IGFL2: variants seen among roughly 807,000 people sequenced by gnomAD.
IGFL2 encodes IGF like family member 2, also known as insulin growth factor-like family member 2.
In IGFL2, 7 loss-of-function variants were observed where a neutral mutation model predicts 13.9. The ratio of observed to expected loss-of-function variants is 0.51; its 90% CI spans 0.29 to 0.95. The LOEUF (loss-of-function observed/expected upper bound fraction) is 0.95, where lower values mean the gene tolerates loss of function less well. Ranked by LOEUF, IGFL2 falls within the 40% of genes least tolerant of loss-of-function variation. The pLI, the probability that IGFL2 is intolerant of heterozygous loss-of-function variation, is 0.08. For missense variants in IGFL2, 138 were observed against 147.8 expected, an observed-to-expected ratio of 0.93 and a Z score of 0.34; for synonymous variants, 55 against 55.8, an observed-to-expected ratio of 0.99 and a Z score of 0.07.
chr19:46,144,554 T>G (rs1973019253), upstream of IGFL2, among the ~76,000 whole-genome samples: 1 of 152,206 alleles, frequency 6.6e-6, no homozygotes, highest in Non-Finnish European at 1.5e-5. Context: ...AAACCCCTTA[T>G]TTTGCTCACT....
chr19:46,092,387 T>C, the IGFL2 span, among the ~76,000 whole-genome samples: 4 of 151,660 alleles, frequency 2.6e-5, no homozygotes, highest in African/African-American at 9.7e-5. Flanking sequence ...TCCCAGCACG[T>C]TGGGAGGCTG....
the IGFL2 span, among the ~76,000 whole-genome samples, chr19:46,192,146 G>A: frequency 6.6e-6 from 1 of 152,122 alleles, no homozygotes; most frequent in Admixed American, 6.5e-5. Context: ...ACACAACAGT[G>A]GGCAGCAGGG....
chr19:46,182,417 C>G, the IGFL2 span, among the ~76,000 whole-genome samples: 1 of 147,330 alleles, frequency 6.8e-6, no homozygotes, highest in South Asian at 2.1e-4. Context: ...CATTTTTTCT[C>G]TCACAATTTG....
At chr19:46,171,597 T>G in the IGFL2 span, among the ~76,000 whole-genome samples, 1 of 152,220 alleles carries the variant, frequency 6.6e-6, no homozygotes, top group Non-Finnish European at 1.5e-5. Flanking sequence ...CTTCTCTTCC[T>G]TGGACTCAGC....
intron 1 of IGFL2, among the ~76,000 whole-genome samples, chr19:46,155,350 A>G (rs1331779778): frequency 2.6e-5 from 4 of 152,026 alleles, no homozygotes; most frequent in Non-Finnish European, 5.9e-5. Context: ...GTCCGTGACT[A>G]CCCAGCATAG....
the IGFL2 span, chr19:46,208,557 T>C: frequency 6.6e-6 from 1 of 152,202 alleles, no homozygotes; most frequent in Non-Finnish European, 1.5e-5. Context: ...TTATATAATT[T>C]GGCTCTGTCT....
chr19:46,206,050 T>C, the IGFL2 span, among the ~76,000 whole-genome samples: 6 of 152,328 alleles, frequency 3.9e-5, no homozygotes, highest in East Asian at 9.6e-4. Context: ...ATAGCTTATC[T>C]GACCCTTTGA....
chr19:46,090,071 A>C, the IGFL2 span, among the ~76,000 whole-genome samples: 1 of 151,578 alleles, frequency 6.6e-6, no homozygotes, highest in Non-Finnish European at 1.5e-5. Flanking sequence ...CTGATGGTAC[A>C]TTTTCAAATA....
At chr19:46,201,463 A>G in the IGFL2 span, among the ~76,000 whole-genome samples, 2 of 152,244 alleles carry the variant, frequency 1.3e-5, no homozygotes, top group Non-Finnish European at 1.5e-5. Flanking sequence ...TTCTTCTCCT[A>G]GAAGACATCG....
At chr19:46,136,711 G>T in the IGFL2 span, 1 of 507,288 alleles carries the variant, frequency 2.0e-6, no homozygotes, top group South Asian at 1.5e-5. Flanking sequence ...CAGAAATCAT[G>T]ACATTTCTGA....
chr19:46,142,156 G>A (rs1183589864), upstream of IGFL2, among the ~76,000 whole-genome samples: 2 of 152,176 alleles, frequency 1.3e-5, no homozygotes, highest in Non-Finnish European at 2.9e-5. Flanking sequence ...TGACTTACAA[G>A]CATCCAATAA....
the IGFL2 span, among the ~76,000 whole-genome samples, chr19:46,090,126 C>T: frequency 6.6e-6 from 1 of 151,788 alleles, no homozygotes; most frequent in African/African-American, 2.4e-5. Context: ...TTGATTAGTT[C>T]TGCTGTTTAG....
chr19:46,120,037 G>A, the IGFL2 span: 1 of 448,740 alleles, frequency 2.2e-6, no homozygotes. Context: ...CCTGCTCAGT[G>A]TCCAGGAAGA....
the IGFL2 span, among the ~76,000 whole-genome samples, chr19:46,096,442 G>A: frequency 2.0e-5 from 3 of 152,054 alleles, no homozygotes; most frequent in Non-Finnish European, 4.4e-5. Flanking sequence ...GGGTTTTCTA[G>A]TTATAGGATC....
At chr19:46,202,266 T>A in the IGFL2 span, among the ~76,000 whole-genome samples, 1 of 152,182 alleles carries the variant, frequency 6.6e-6, no homozygotes, top group Non-Finnish European at 1.5e-5. Context: ...GACAAAATTA[T>A]CTAGATCTTG....
At chr19:46,194,857 T>A in the IGFL2 span, among the ~76,000 whole-genome samples, 2,310 of 43,696 alleles carry the variant, frequency 0.053, 16 homozygotes, top group Non-Finnish European at 0.11. Context: ...TATATATTTT[T>A]TTTTTTTTTT....
chr19:46,095,526 T>C, the IGFL2 span, among the ~76,000 whole-genome samples: 200 of 152,330 alleles, frequency 1.3e-3, no homozygotes, highest in African/African-American at 4.6e-3. Context: ...AACTCTTTAG[T>C]TTAATTAGGT....
At chr19:46,127,725 A>G in the IGFL2 span, among the ~76,000 whole-genome samples, 1 of 152,168 alleles carries the variant, frequency 6.6e-6, no homozygotes, top group Admixed American at 6.5e-5. Context: ...CAACAGACAG[A>G]CTGCATGCAA....
At chr19:46,206,814 G>C in the IGFL2 span, 1 of 152,320 alleles carries the variant, frequency 6.6e-6, no homozygotes, top group Non-Finnish European at 1.5e-5. Context: ...AGCTTCAGGA[G>C]AGGGGAGGCC....
Sources: gnomAD v4.1 joint callset for allele counts (sites outside exome capture counted in the v4.1 genomes callset) on GRCh38, gnomAD v4.1.1 for gene constraint, MANE v1.5 for transcripts, NCBI Gene and HGNC (gene_info 2026-07-23, HGNC 2026-07-21) for gene names.